CUL5: variants seen among roughly 807,000 people sequenced by gnomAD.
CUL5 encodes cullin 5.
A neutral mutation model predicts 108.8 loss-of-function variants in CUL5; 26 were observed. The observed-to-expected ratio is 0.24, with a 90% CI of 0.18 to 0.33. The LOEUF is 0.33. Ranked by LOEUF, CUL5 falls within the 10% of genes least tolerant of loss-of-function variation. CUL5 has a pLI of 1.00. For synonymous variants in CUL5, 334 were observed against 298.0 expected, an observed-to-expected ratio of 1.12 and a Z score of -1.25; for missense variants, 524 against 909.2, an observed-to-expected ratio of 0.58 and a Z score of 5.45.
chr11:108,010,483 T>A (rs1449228510), intron 1 of CUL5, among the ~76,000 whole-genome samples: 1 of 152,212 alleles, frequency 6.6e-6, no homozygotes, highest in Non-Finnish European at 1.5e-5. Flanking sequence ...ATATCACCTT[T>A]TAAAAGGGAG....
At chr11:108,069,203 G>C (rs1008983403) in intron 7 of CUL5, among the ~76,000 whole-genome samples, 1 of 152,142 alleles carries the variant, frequency 6.6e-6, no homozygotes, top group Non-Finnish European at 1.5e-5. Context: ...GCTGTAGTGA[G>C]GTATGATAGT....
At chr11:108,075,054 T>C (rs1863911398) in intron 10 of CUL5, among the ~76,000 whole-genome samples, 1 of 152,154 alleles carries the variant, frequency 6.6e-6, no homozygotes, top group African/African-American at 2.4e-5. Flanking sequence ...ACAGGATCAT[T>C]CTGGCTGTTG....
chr11:108,095,650 G>A lies in CUL5; in HGVS notation c.1864G>A (p.Ala622Thr). Residue 622 changes from alanine (A) to threonine (T), a missense_variant, in exon 16 of 19, where the codon GCA becomes ACA. By Grantham distance (58) the Ala-to-Thr change is moderately conservative (BLOSUM62 0). Transcript: ENST00000393094. ...EKISFENLKL[A>T]TELPDAELRR... ...AATCAGCTTTGAAAATCTTAAGCTT[G>A]CAACTGAACTCCCTGATGCTGAACT... The A allele has an allele frequency of 6.2e-7, 1 of 1,614,024 alleles. No homozygotes were observed.
rs1421370297 is a variant in CUL5, at chr11:108,106,544, T to C, written c.*2160T>C. 2 of 151,656 alleles carry C rather than the reference T, an allele frequency of 1.3e-5. No individual in the cohort carries two copies. Among genetic ancestry groups the C allele is most frequent in the African/African-American group, 4.8e-5 (2 of 41,354 alleles). The allele number at this position is 151,656 out of a possible 1,614,324, so 9.4% of individuals were successfully genotyped here. ...ACTGTAAATGTACAGTTTTCTTTTT[T>C]TTTTTTTTTTGGTTATGTATACAAA... On this transcript the variant is annotated 3_prime_UTR_variant, in exon 19 of 19. Coordinates refer to ENST00000393094, the MANE Select transcript of CUL5 (RefSeq NM_003478.6).
Position 108,070,108 on chromosome 11 carries a change from T to A in CUL5, c.793T>A (p.Cys265Ser). 6.2e-7 allele frequency: 1 copy of A among 1,608,754 alleles called. No individual in the cohort carries two copies. The highest frequency in any genetic ancestry group is 8.5e-7 in the Non-Finnish European group (1 of 1,176,366). ...TGATATATTTCAGCTCATGGAATGCTGTGTAAATGCCCTGGTGACATCATT... is the reference window on the plus strand; with the variant it reads ...TGATATATTTCAGCTCATGGAATGCAGTGTAAATGCCCTGGTGACATCATT... ...CNSVEALMEC[C>S]VNALVTSFKE... is the part of the protein sequence containing the mutation. The change falls in exon 8 of 19, where the codon TGT (cysteine) becomes AGT (serine). Residue 265 changes from cysteine to serine, a missense_variant. This residue lies in a region of CUL5 where 170 missense variants were observed against 305.1 expected (regional missense o/e 0.56). Transcript: ENST00000393094.
intron 16 of CUL5, among the ~76,000 whole-genome samples, chr11:108,096,328 TAAAA>T (rs71047670): frequency 1.7e-5 from 2 of 120,012 alleles, no homozygotes; most frequent in East Asian, 4.9e-4. Flanking sequence ...ATCCCATCTC[TAAAA>T]AAAAAAAAAA....
chr11:108,034,598 A>T (rs1862682034), intron 2 of CUL5, among the ~76,000 whole-genome samples: 1 of 152,168 alleles, frequency 6.6e-6, no homozygotes, highest in South Asian at 2.1e-4. Context: ...AAAAGGACTC[A>T]TGGCAGCTTG....
chr11:108,060,054 G>A (rs1863496428), intron 7 of CUL5, among the ~76,000 whole-genome samples: 1 of 152,120 alleles, frequency 6.6e-6, no homozygotes, highest in East Asian at 1.9e-4. Flanking sequence ...TTTACCATCT[G>A]TGCAAAACTG....
chr11:108,016,385 A>G (rs958177907), intron 1 of CUL5, among the ~76,000 whole-genome samples: 1 of 151,954 alleles, frequency 6.6e-6, no homozygotes, highest in African/African-American at 2.4e-5. Context: ...CTCCCACCTC[A>G]TCCTCCCACA....
chr11:108,093,926 A>C (rs537416830), intron 13 of CUL5, among the ~76,000 whole-genome samples: 1 of 152,142 alleles, frequency 6.6e-6, no homozygotes, highest in East Asian at 1.9e-4. Context: ...TGGTCTTAAA[A>C]TCCTGGCTTC....
Position 108,052,644 on chromosome 11 carries a change from G to A in CUL5, c.412-16G>A, listed in dbSNP as rs778823862. On this transcript the variant is annotated splice_polypyrimidine_tract_variant and intron_variant, in intron 4 of 18. Coordinates refer to ENST00000393094, the MANE Select transcript of CUL5 (RefSeq NM_003478.6). ...ATAATTGAAAATTATGTTACAATTTGTTCTTGTTTTCCTAGCTTATGCTTG... is the reference window on the plus strand; with the variant it reads ...ATAATTGAAAATTATGTTACAATTTATTCTTGTTTTCCTAGCTTATGCTTG... 3 of 1,582,378 alleles carry A rather than the reference G, an allele frequency of 1.9e-6. No individual in the cohort carries two copies. The highest frequency in any genetic ancestry group is 1.2e-5 in the South Asian group (1 of 86,498).
intron 7 of CUL5, among the ~76,000 whole-genome samples, chr11:108,064,614 G>A (rs567778552): frequency 1.3e-5 from 2 of 152,284 alleles, no homozygotes; most frequent in Admixed American, 1.3e-4. Context: ...GGAGGCTAAG[G>A]CAGGAGAGTT....
intron 7 of CUL5, among the ~76,000 whole-genome samples, chr11:108,064,588 T>C (rs1863628183): frequency 6.6e-6 from 1 of 152,070 alleles, no homozygotes; most frequent in Admixed American, 6.6e-5. Context: ...CAGGTGCCCG[T>C]AATCCCAGCT....
intron 7 of CUL5, 99 bp from the exon 8 acceptor site, chr11:108,069,997 T>C: frequency 5.8e-6 from 3 of 519,198 alleles, no homozygotes; most frequent in Non-Finnish European, 9.9e-6. Context: ...TTCAGTATAA[T>C]TTTTTTTTTG....
At chr11:108,103,143 T>G (rs1013919011) in intron 18 of CUL5, among the ~76,000 whole-genome samples, 2 of 152,156 alleles carry the variant, frequency 1.3e-5, no homozygotes, top group Non-Finnish European at 2.9e-5. Context: ...CTGGAAAAGG[T>G]AAAAGAGAAA....
chr11:108,100,606 T>C (rs185407668), intron 18 of CUL5, among the ~76,000 whole-genome samples: 1 of 152,170 alleles, frequency 6.6e-6, no homozygotes, highest in Non-Finnish European at 1.5e-5. Flanking sequence ...ATTTATACAA[T>C]AAAGGAAATA....
At chr11:108,101,994 G>C (rs1339018386) in intron 18 of CUL5, among the ~76,000 whole-genome samples, 2 of 151,966 alleles carry the variant, frequency 1.3e-5, no homozygotes, top group Non-Finnish European at 2.9e-5. Flanking sequence ...TGACCTTCTG[G>C]TGTCATCATA....
At chr11:108,087,442 A>G (rs992271310) in intron 11 of CUL5, among the ~76,000 whole-genome samples, 1 of 152,228 alleles carries the variant, frequency 6.6e-6, no homozygotes, top group Middle Eastern at 3.2e-3. Flanking sequence ...ATTTATTTAC[A>G]TATATTTTTA....
chr11:108,072,546 C>A, intron 9 of CUL5, 84 bp downstream of exon 9: 1 of 1,212,174 alleles, frequency 8.2e-7, no homozygotes, highest in Non-Finnish European at 1.2e-6. Flanking sequence ...TGAGCGGTTA[C>A]CAGAGGCTGG....
Sources: allele counts gnomAD v4.1 joint callset (sites outside exome capture counted in the v4.1 genomes callset), GRCh38; gene constraint gnomAD v4.1.1; regional missense constraint gnomAD v4.1.1; transcripts MANE v1.5; gene names NCBI Gene and HGNC (gene_info 2026-07-23, HGNC 2026-07-21).